The following IGLL5 variants were observed in gnomAD, a reference collection of about 807,000 sequenced individuals.
IGLL5 encodes immunoglobulin lambda-like polypeptide 5.
IGLL5 carries 30 observed loss-of-function variants against 20.9 expected under a neutral mutation model. The observed-to-expected ratio is 1.44, with a 90% CI of 1.07 to 1.95. The LOEUF (loss-of-function observed/expected upper bound fraction) is 1.95, where lower values mean the gene tolerates loss of function less well. Ranked by LOEUF, IGLL5 falls within the 30% of genes most tolerant of loss-of-function variation. The pLI, the probability that IGLL5 is intolerant of heterozygous loss-of-function variation, is 0.00. For synonymous variants in IGLL5, 203 were observed against 117.3 expected (o/e 1.73, Z -4.72); for missense variants, 475 against 270.7 (o/e 1.75, Z -5.30).
intron 1 of IGLL5, 75 bp downstream of exon 1, chr22:22,888,334 GCC>G: frequency 7.1e-7 from 1 of 1,402,658 alleles, no homozygotes; most frequent in Non-Finnish European, 9.8e-7. Context: ...GGGGAGACAA[GCC>G]AGAGGAGTGA....
At chr22:22,893,977 G>A (rs1601622364) in intron 2 of IGLL5, among the ~76,000 whole-genome samples, 159 bp downstream of exon 2, 21 of 151,222 alleles carry the variant, frequency 1.4e-4, no homozygotes, top group South Asian at 1.1e-3. Flanking sequence ...TAGTCTCCGG[G>A]TAACCGGCAG....
At chr22:22,888,739 C>T (rs147912299) in intron 1 of IGLL5, among the ~76,000 whole-genome samples, 2 of 151,386 alleles carry the variant, frequency 1.3e-5, no homozygotes, top group Admixed American at 1.3e-4. Context: ...GTCTGTTCAC[C>T]AACTTGCACA....
rs777873329 is a variant in IGLL5, at chr22:22,895,690, C to A, written c.641C>A (p.Ser214Ter). The stretch of plus-strand genomic sequence containing the variant: ...AAGACAGTGGCCCCTACAGAATGTT[C>A]ATAGGTTCCCAACTCTAACCCCACC... ...VEKTVAPTECS is the reference protein window; with the variant it reads ...VEKTVAPTEC The change falls in exon 3 of 3, where the codon TCA (serine) becomes TAA (stop). Residue 214 changes from serine (S) to a stop codon, truncating the protein, a stop_gained. Transcript: ENST00000526893. LOFTEE classifies it high-confidence loss of function. 6.2e-7 allele frequency: 1 copy of A among 1,613,116 alleles called. No individual in the cohort carries two copies. The highest frequency in any genetic ancestry group is 1.7e-5 in the Admixed American group (1 of 59,910).
At chr22:22,893,610 G>A in intron 1 of IGLL5, 90 bp from the exon 2 acceptor site, 1 of 720,836 alleles carries the variant, frequency 1.4e-6, no homozygotes, top group Non-Finnish European at 2.3e-6. Flanking sequence ...GACAGGCACA[G>A]GGACACCTCT....
chr22:22,895,157 C>G (rs538266983), intron 2 of IGLL5, among the ~76,000 whole-genome samples: 1 of 151,340 alleles, frequency 6.6e-6, no homozygotes, highest in South Asian at 2.1e-4. Flanking sequence ...GGCCAGGACA[C>G]CTGTGAAAGG....
At chr22:22,888,583 C>T (rs180910435) in intron 1 of IGLL5, among the ~76,000 whole-genome samples, 4 of 151,292 alleles carry the variant, frequency 2.6e-5, no homozygotes, top group African/African-American at 7.3e-5. Flanking sequence ...AGGACATCCA[C>T]AGGGGGTGGT....
intron 2 of IGLL5, among the ~76,000 whole-genome samples, chr22:22,894,622 AG>A: frequency 6.6e-6 from 1 of 151,084 alleles, no homozygotes; most frequent in South Asian, 2.1e-4. Flanking sequence ...TGAGGGGTGC[AG>A]AGAACTCCAT....
intron 1 of IGLL5, among the ~76,000 whole-genome samples, 168 bp downstream of exon 1, chr22:22,888,427 GTT>G (rs1194742564): frequency 6.6e-6 from 1 of 151,302 alleles, no homozygotes; most frequent in Non-Finnish European, 1.5e-5. Context: ...TCACAGATTT[GTT>G]TGAATTACTG....
chr22:22,894,493 A>G (rs534301126), intron 2 of IGLL5, among the ~76,000 whole-genome samples: 3 of 151,376 alleles, frequency 2.0e-5, no homozygotes, highest in Admixed American at 1.3e-4. Context: ...TAGGGCAGAG[A>G]TGTGTCTGTC....
intron 2 of IGLL5, 74 bp downstream of exon 2, chr22:22,893,892 G>C (rs2067942877): frequency 1.9e-6 from 2 of 1,028,240 alleles, no homozygotes; most frequent in African/African-American, 1.6e-5. Flanking sequence ...CTCTCTCTGG[G>C]GCTTCCTCCC....
At chr22:22,889,285 T>G (rs1601607330) in intron 1 of IGLL5, among the ~76,000 whole-genome samples, 1 of 150,826 alleles carries the variant, frequency 6.6e-6, no homozygotes, top group African/African-American at 2.4e-5. Flanking sequence ...AATGGGAGCA[T>G]GAAGTTGAAG....
rs556230331 is a variant in IGLL5 at position 22,888,167 on chromosome 22, G to A, written c.114G>A (p.Leu38=). The A allele has an allele frequency of 2.0e-5, 31 of 1,549,078 alleles. 1 individual carries two copies. Among genetic ancestry groups the A allele is most frequent in the Middle Eastern group, 1.7e-4 (1 of 5,800 alleles). The change falls in exon 1 of 3, where the codon CTG becomes CTA. Residue 38 remains leucine, a synonymous_variant. Coordinates refer to ENST00000526893, the MANE Select transcript of IGLL5 (RefSeq NM_001178126.2). ...LLGLAMVAHG[L]LRPMVAPQSG... Reference sequence around the variant, plus strand: ...GTCTGGCCATGGTCGCCCATGGCCTGCTGCGCCCAATGGTTGCACCGCAAA... The same window carrying A: ...GTCTGGCCATGGTCGCCCATGGCCTACTGCGCCCAATGGTTGCACCGCAAA...
chr22:22,888,710 T>A (rs577452952), intron 1 of IGLL5, among the ~76,000 whole-genome samples: 2 of 151,230 alleles, frequency 1.3e-5, no homozygotes, highest in East Asian at 2.0e-4. Context: ...AAGGGCTTGG[T>A]TTGGTCTCCC....
intron 1 of IGLL5, among the ~76,000 whole-genome samples, chr22:22,888,896 T>G (rs554110940): frequency 1.3e-5 from 2 of 151,278 alleles, no homozygotes; most frequent in African/African-American, 2.4e-5. Context: ...CCCAGGCTGG[T>G]CTCACAGATC....
intron 2 of IGLL5, among the ~76,000 whole-genome samples, 155 bp from the exon 3 acceptor site, chr22:22,895,220 A>T (rs2066732802): frequency 6.6e-6 from 1 of 151,504 alleles, no homozygotes; most frequent in Admixed American, 6.6e-5. Flanking sequence ...TCCACAGGGC[A>T]TGAGTGGAAA....
chr22:22,888,965 A>C (rs1026482250), intron 1 of IGLL5, among the ~76,000 whole-genome samples: 2 of 151,316 alleles, frequency 1.3e-5, no homozygotes, highest in Non-Finnish European at 1.5e-5. Flanking sequence ...AGAGGAGAGG[A>C]GAGCACAGGA....
At chr22:22,888,976 T>G (rs193207210) in intron 1 of IGLL5, among the ~76,000 whole-genome samples, 1 of 151,284 alleles carries the variant, frequency 6.6e-6, no homozygotes, top group Admixed American at 6.6e-5. Context: ...GAGCACAGGA[T>G]GAGGCTGGGA....
At chr22:22,894,219 A>C (rs1287590541) in intron 2 of IGLL5, among the ~76,000 whole-genome samples, 4 of 147,680 alleles carry the variant, frequency 2.7e-5, no homozygotes, top group East Asian at 2.2e-4. Context: ...CTCATAGTCT[A>C]GGGGAGCAGC....
intron 1 of IGLL5, among the ~76,000 whole-genome samples, chr22:22,889,022 C>T (rs2067676843): frequency 6.6e-6 from 1 of 151,364 alleles, no homozygotes; most frequent in East Asian, 2.0e-4. Context: ...GCAAGAAGAC[C>T]ATAGGGTCCG....
Sources: allele counts gnomAD v4.1 joint callset (sites outside exome capture counted in the v4.1 genomes callset), GRCh38; gene constraint gnomAD v4.1.1; transcripts MANE v1.5; gene names NCBI Gene and HGNC (gene_info 2026-07-23, HGNC 2026-07-21).